Variants in SND1 observed in about 807,000 individuals in gnomAD.
SND1 encodes staphylococcal nuclease and tudor domain containing 1.
SND1 carries 38 observed loss-of-function variants against 121.7 expected under a neutral mutation model. The observed-to-expected ratio is 0.31, with a 90% CI of 0.24 to 0.41. The LOEUF is 0.41. Among genes scored for constraint, SND1 ranks in the 10% least tolerant of loss-of-function variants. SND1 has a pLI of 1.00. For missense variants in SND1, 868 were observed against 1,184.6 expected, an observed-to-expected ratio of 0.73 and a Z score of 3.92; for synonymous variants, 401 against 447.4, an observed-to-expected ratio of 0.90 and a Z score of 1.31.
At chr7:127,787,734 C>T (rs950829213) in intron 10 of SND1, among the ~76,000 whole-genome samples, 15 of 152,152 alleles carry the variant, frequency 9.9e-5, no homozygotes, top group Admixed American at 4.6e-4. Context: ...GCCTAAAAGA[C>T]GTAAGACATT....
intron 12 of SND1, among the ~76,000 whole-genome samples, chr7:127,850,225 C>A (rs1317231670): frequency 6.6e-6 from 1 of 152,180 alleles, no homozygotes; most frequent in Non-Finnish European, 1.5e-5. Context: ...AAGTGTCATA[C>A]AGCCCCCAGC....
At chr7:128,004,904 CAG>C (rs947630340) in intron 16 of SND1, among the ~76,000 whole-genome samples, 4 of 152,164 alleles carry the variant, frequency 2.6e-5, no homozygotes, top group African/African-American at 7.2e-5. Context: ...GTCTTTTGCC[CAG>C]AGTGTTTAAA....
intron 10 of SND1, among the ~76,000 whole-genome samples, chr7:127,764,599 A>G (rs1475423111): frequency 6.6e-6 from 1 of 152,198 alleles, no homozygotes; most frequent in East Asian, 1.9e-4. Context: ...TTATTATCAG[A>G]ATATCTTTTA....
intron 13 of SND1, among the ~76,000 whole-genome samples, chr7:127,893,887 A>G (rs764846826): frequency 3.9e-5 from 6 of 151,976 alleles, no homozygotes; most frequent in Non-Finnish European, 5.9e-5. Flanking sequence ...CTAAAAAACA[A>G]AAAACTAGCA....
At chr7:127,730,273 T>C (rs1032275843) in intron 10 of SND1, among the ~76,000 whole-genome samples, 1 of 152,248 alleles carries the variant, frequency 6.6e-6, no homozygotes, top group Admixed American at 6.5e-5. Flanking sequence ...AGCCTGACAT[T>C]GGACAGCTCT....
chr7:127,792,291 AG>A, intron 10 of SND1, among the ~76,000 whole-genome samples: 1 of 152,240 alleles, frequency 6.6e-6, no homozygotes, highest in Non-Finnish European at 1.5e-5. Flanking sequence ...GGTATGGAAT[AG>A]GTAAGAGGGA....
intron 11 of SND1, among the ~76,000 whole-genome samples, chr7:127,825,007 G>A (rs540262394): frequency 6.6e-6 from 1 of 152,302 alleles, no homozygotes; most frequent in African/African-American, 2.4e-5. Flanking sequence ...TTGATTACAA[G>A]CCAGCTGGAG....
chr7:127,862,104 C>A (rs1294964803), intron 12 of SND1, among the ~76,000 whole-genome samples: 1 of 152,162 alleles, frequency 6.6e-6, no homozygotes, highest in African/African-American at 2.4e-5. Flanking sequence ...GGAAAGTACA[C>A]TTTTTTAATG....
At chr7:128,043,135 A>G (rs903709910) in intron 16 of SND1, among the ~76,000 whole-genome samples, 20 of 152,132 alleles carry the variant, frequency 1.3e-4, no homozygotes, top group Admixed American at 1.3e-3. Context: ...TTTGTGAGAA[A>G]AGCCAAAGAG....
chr7:128,087,348 G>A (rs322823), intron 21 of SND1, among the ~76,000 whole-genome samples: 104,934 of 152,010 alleles, frequency 0.69, 37,508 homozygotes, highest in African/African-American at 0.87. Context: ...AGGAGGTGAG[G>A]TGGGAAAGGG....
chr7:127,811,328 A>G (rs1798331352), intron 11 of SND1, among the ~76,000 whole-genome samples: 1 of 152,132 alleles, frequency 6.6e-6, no homozygotes, highest in African/African-American at 2.4e-5. Context: ...TTCTTGAGGT[A>G]TGTACTTTTA....
intron 16 of SND1, among the ~76,000 whole-genome samples, chr7:128,036,905 A>G (rs1562878016): frequency 6.6e-6 from 1 of 152,250 alleles, no homozygotes; most frequent in Non-Finnish European, 1.5e-5. Flanking sequence ...GTATAGCAGT[A>G]ATAATGGTTT....
chr7:128,034,165 T>A (rs899179178), intron 16 of SND1, among the ~76,000 whole-genome samples: 16 of 152,070 alleles, frequency 1.1e-4, no homozygotes, highest in African/African-American at 3.9e-4. Context: ...GTGTCTACTC[T>A]TCATAGAGTA....
intron 14 of SND1, among the ~76,000 whole-genome samples, chr7:127,908,816 G>GT (rs1220225221): frequency 1.3e-5 from 2 of 152,034 alleles, no homozygotes; most frequent in Admixed American, 6.6e-5. Flanking sequence ...GTTTATTATT[G>GT]TTTTTGCTGT....
At chr7:127,885,814 A>T (rs1204710737) in intron 12 of SND1, among the ~76,000 whole-genome samples, 1 of 152,152 alleles carries the variant, frequency 6.6e-6, no homozygotes, top group Non-Finnish European at 1.5e-5. Context: ...AATGCTCAGT[A>T]ATTCAAAATG....
intron 16 of SND1, among the ~76,000 whole-genome samples, chr7:128,056,380 G>A (rs1320716552): frequency 1.3e-5 from 2 of 152,176 alleles, no homozygotes; most frequent in African/African-American, 2.4e-5. Context: ...ACTGCATTTG[G>A]ATCAGTAACA....
intron 15 of SND1, among the ~76,000 whole-genome samples, chr7:127,929,973 G>T (rs1324583856): frequency 6.6e-6 from 1 of 152,228 alleles, no homozygotes; most frequent in Non-Finnish European, 1.5e-5. Flanking sequence ...AGAAGGCTAT[G>T]TATAAACTGT....
intron 6 of SND1, 68 bp from the exon 7 acceptor site, chr7:127,703,097 G>T: frequency 6.4e-7 from 1 of 1,571,458 alleles, no homozygotes; most frequent in Admixed American, 1.7e-5. Context: ...GGAAGGCTTA[G>T]TGTGGGGCGA....
intron 13 of SND1, among the ~76,000 whole-genome samples, chr7:127,899,983 T>G (rs1017333616): frequency 6.6e-6 from 1 of 152,208 alleles, no homozygotes; most frequent in Non-Finnish European, 1.5e-5. Flanking sequence ...CTAATCTCTC[T>G]CAGCTCTGTA....
Sources: gnomAD v4.1 joint callset for allele counts (sites outside exome capture counted in the v4.1 genomes callset) on GRCh38, gnomAD v4.1.1 for gene constraint, MANE v1.5 for transcripts, NCBI Gene and HGNC (gene_info 2026-07-23, HGNC 2026-07-21) for gene names.